SWI5: variants seen among roughly 807,000 people sequenced by gnomAD.
SWI5 encodes the protein DNA repair protein SWI5 homolog.
A neutral mutation model predicts 17.0 loss-of-function variants in SWI5; 12 were observed. The observed-to-expected ratio is 0.71, with a 90% CI of 0.45 to 1.14. The LOEUF (loss-of-function observed/expected upper bound fraction) is 1.14, where lower values mean the gene tolerates loss of function less well. SWI5 is among the 50% of genes most tolerant of loss of function. SWI5 has a pLI of 0.00. For missense variants in SWI5, 158 were observed against 162.2 expected (o/e 0.97, Z 0.14); for synonymous variants, 61 against 64.0 (o/e 0.95, Z 0.22).
At chr9:128,279,252 G>A (rs1479253964) in intron 2 of SWI5, among the ~76,000 whole-genome samples, 10 of 152,160 alleles carry the variant, frequency 6.6e-5, no homozygotes, top group Non-Finnish European at 7.3e-5. Context: ...CTTGGTGGGC[G>A]TTCTCCCCAT....
rs541299381 is a variant in SWI5, at chr9:128,285,838, G to A, written c.234-101G>A. The stretch of plus-strand genomic sequence containing the variant: ...CACCATATCCCTAGTACCTATCACC[G>A]AGTAGGCCATTACAGATGCCTTATT... On this transcript the variant is annotated intron_variant, in intron 3 of 4. Transcript: ENST00000418976. This position sits in a 1 kb window ranked among gnomAD's most constrained non-coding sequence, Gnocchi z 4.8. 2.1e-5 allele frequency: 16 copies of A among 763,354 alleles called. No individual in the cohort carries two copies. Among genetic ancestry groups the A allele is most frequent in the East Asian group, 1.8e-4 (7 of 39,974 alleles). 47.3% of individuals were successfully genotyped at this position (763,354 alleles called of 1,614,324 possible). A position where few individuals can be genotyped will look rare whatever the true frequency, so the allele number is the denominator to read the frequency against.
At chr9:128,280,647 A>G (rs559668590) in intron 2 of SWI5, among the ~76,000 whole-genome samples, 1 of 152,092 alleles carries the variant, frequency 6.6e-6, no homozygotes, top group African/African-American at 2.4e-5. Flanking sequence ...CCTCCCGACT[A>G]GCTGGGACTA....
chr9:128,279,766 G>C (rs563883881), intron 2 of SWI5, among the ~76,000 whole-genome samples: 25 of 152,288 alleles, frequency 1.6e-4, no homozygotes, highest in African/African-American at 5.8e-4. Context: ...CAGGAAGCTG[G>C]TGGAGCAGAG....
intron 2 of SWI5, among the ~76,000 whole-genome samples, chr9:128,278,287 G>A (rs1008257382): frequency 6.6e-6 from 1 of 151,712 alleles, no homozygotes; most frequent in African/African-American, 2.4e-5. Flanking sequence ...AACAACGCTC[G>A]ACCCGGCACA....
intron 2 of SWI5, among the ~76,000 whole-genome samples, chr9:128,278,185 G>A (rs1180941605): frequency 6.6e-6 from 1 of 152,040 alleles, no homozygotes; most frequent in South Asian, 2.1e-4. Flanking sequence ...AAACTCGTGA[G>A]CTCAAAGCAA....
upstream of SWI5, chr9:128,275,799 G>A: frequency 2.9e-6 from 2 of 690,260 alleles, no homozygotes; most frequent in Non-Finnish European, 4.8e-6. Flanking sequence ...GCCCAGCCCG[G>A]TGTGCCTCAG....
chr9:128,288,920 G>T (rs1006233596), exon 5 of SWI5: 2 of 600,606 alleles, frequency 3.3e-6, no homozygotes, highest in African/African-American at 1.9e-5. Flanking sequence ...CAAGGTTCCT[G>T]AAATGTCGCA....
At chr9:128,277,116 A>T (rs576045115) in intron 2 of SWI5, among the ~76,000 whole-genome samples, 93 of 152,236 alleles carry the variant, frequency 6.1e-4, no homozygotes, top group African/African-American at 2.2e-3. Flanking sequence ...CCCAGTCAGG[A>T]AAATGCTTGG....
chr9:128,277,557 A>G (rs1170126501), intron 2 of SWI5, among the ~76,000 whole-genome samples: 1 of 152,196 alleles, frequency 6.6e-6, no homozygotes, highest in East Asian at 1.9e-4. Flanking sequence ...AGTCTCAAAA[A>G]CAAAAAAGAA....
rs182734295 is a variant in SWI5 at position 128,283,461 on chromosome 9, C to T, written c.112-1049C>T. ...GCAGTGAGCCAGAATCATGCCACTGCGCTCCAGCCTGGGCGACAGAGTGAG... is the reference window on the plus strand; with the variant it reads ...GCAGTGAGCCAGAATCATGCCACTGTGCTCCAGCCTGGGCGACAGAGTGAG... On this transcript the variant is annotated intron_variant, in intron 2 of 4. Coordinates refer to ENST00000418976, the Ensembl canonical transcript of SWI5. Among the ~76,000 whole-genome samples, 420 of 152,112 alleles carry T rather than the reference C, an allele frequency of 2.8e-3. 2 individuals are homozygous for T. Among genetic ancestry groups the T allele is most frequent in the African/African-American group, 9.3e-3 (387 of 41,482 alleles).
chr9:128,279,523 G>A (rs536897324), intron 2 of SWI5, among the ~76,000 whole-genome samples: 5 of 152,306 alleles, frequency 3.3e-5, no homozygotes, highest in Admixed American at 1.3e-4. Flanking sequence ...AAGCAGAGAG[G>A]GAAGGCAGCA....
At chr9:128,287,140 T>C (rs1365926873) in intron 4 of SWI5, among the ~76,000 whole-genome samples, 5 of 54,280 alleles carry the variant, frequency 9.2e-5, no homozygotes, top group Non-Finnish European at 1.2e-4. Context: ...AAACTCCATC[T>C]CAAAAAAAAA....
At chr9:128,287,778 T>C (rs1588509245) in intron 4 of SWI5, among the ~76,000 whole-genome samples, 1 of 151,922 alleles carries the variant, frequency 6.6e-6, no homozygotes, top group South Asian at 2.1e-4. Context: ...GCCAGGCTGG[T>C]CTTGAACTCC....
At chr9:128,275,976 T>C (rs1463750815), upstream of SWI5, 1 of 1,598,316 alleles carries the variant, frequency 6.3e-7, no homozygotes, top group Non-Finnish European at 8.5e-7. Flanking sequence ...TGGGGCCACA[T>C]CAGCGCGATC....
intron 2 of SWI5, among the ~76,000 whole-genome samples, chr9:128,280,601 G>A (rs111996085): frequency 6.2e-4 from 94 of 150,752 alleles, no homozygotes; most frequent in African/African-American, 2.2e-3. Flanking sequence ...CACTGCAACC[G>A]CTGCCTCCAG....
At chr9:128,288,975 G>GT in exon 5 of SWI5, 1 of 540,378 alleles carries the variant, frequency 1.9e-6, no homozygotes, top group Non-Finnish European at 3.3e-6. Flanking sequence ...GTCAATAAAC[G>GT]TATCTGTACA....
At chr9:128,276,890 C>A in intron 2 of SWI5, 135 bp downstream of exon 2, 4 of 911,076 alleles carry the variant, frequency 4.4e-6, no homozygotes, top group Non-Finnish European at 5.0e-6. Flanking sequence ...CGACTGAGAA[C>A]CGCCAGGTCA....
chr9:128,281,027 GCTT>G (rs1685314508), intron 2 of SWI5, among the ~76,000 whole-genome samples: 1 of 92,072 alleles, frequency 1.1e-5, no homozygotes, highest in Admixed American at 1.4e-4. Flanking sequence ...ATTCAACCAT[GCTT>G]TTTTTTTTTT....
chr9:128,276,233 G>A (rs1831360999), upstream of SWI5: 1 of 1,612,196 alleles, frequency 6.2e-7, no homozygotes, highest in African/African-American at 1.3e-5. Context: ...GGAGAGGGGC[G>A]GGGCCGGCTT....
Sources: allele counts gnomAD v4.1 joint callset (sites outside exome capture counted in the v4.1 genomes callset), GRCh38; gene constraint gnomAD v4.1.1; non-coding constraint Gnocchi (gnomAD v3.1); transcripts MANE v1.5; gene names NCBI Gene and HGNC (gene_info 2026-07-23, HGNC 2026-07-21).